The following TCF12 variants were observed in gnomAD, a reference collection of about 807,000 sequenced individuals.
The protein encoded by TCF12 is DNA-binding protein HTF4.
Under a neutral mutation model 86.0 loss-of-function variants are expected in TCF12, and 45 were observed. The ratio of observed to expected loss-of-function variants is 0.52; its 90% CI spans 0.41 to 0.67. The LOEUF (loss-of-function observed/expected upper bound fraction) is 0.67. Among genes scored for constraint, TCF12 ranks in the 30% least tolerant of loss-of-function variants. TCF12 has a pLI of 0.00. For missense variants in TCF12, 881 were observed against 859.9 expected (o/e 1.02, Z -0.31); for synonymous variants, 330 against 299.6 (o/e 1.10, Z -1.05).
chr15:57,122,833 CAT>C (rs1567466930), intron 5 of TCF12, among the ~76,000 whole-genome samples: 1 of 152,164 alleles, frequency 6.6e-6, no homozygotes, highest in East Asian at 1.9e-4. Flanking sequence ...GAGTGAGGCT[CAT>C]AAATTAGGAT....
intron 3 of TCF12, among the ~76,000 whole-genome samples, chr15:56,930,284 T>G (rs1358074796): frequency 6.6e-6 from 1 of 152,232 alleles, no homozygotes; most frequent in Non-Finnish European, 1.5e-5. Flanking sequence ...TTTGTACCTT[T>G]GGAGTGTAAA....
At chr15:57,049,259 T>C (rs1236901487) in intron 3 of TCF12, among the ~76,000 whole-genome samples, 1 of 152,208 alleles carries the variant, frequency 6.6e-6, no homozygotes, top group South Asian at 2.1e-4. Context: ...TTCCTTCAAC[T>C]CATAGGTTGA....
chr15:57,231,624 G>T (rs1308098409), intron 9 of TCF12, among the ~76,000 whole-genome samples: 2 of 152,126 alleles, frequency 1.3e-5, no homozygotes, highest in Non-Finnish European at 2.9e-5. Flanking sequence ...TATAAAGAAA[G>T]AGTGAATATC....
chr15:56,965,492 A>G (rs1474160625), intron 3 of TCF12, among the ~76,000 whole-genome samples: 3 of 152,212 alleles, frequency 2.0e-5, no homozygotes, highest in Non-Finnish European at 2.9e-5. Context: ...ATGAAGAGGA[A>G]GGTGAAACTA....
intron 8 of TCF12, among the ~76,000 whole-genome samples, chr15:57,216,205 A>G (rs1372653370): frequency 3.3e-5 from 5 of 152,140 alleles, no homozygotes; most frequent in African/African-American, 1.2e-4. Context: ...AGGAATCATC[A>G]GTTTGCTAAT....
At chr15:56,965,185 C>T (rs2061948694) in intron 3 of TCF12, among the ~76,000 whole-genome samples, 3 of 152,232 alleles carry the variant, frequency 2.0e-5, no homozygotes, top group South Asian at 4.1e-4. Context: ...ATGTTATATT[C>T]AGTTTCCTCA....
At chr15:57,026,549 G>T (rs1327522276) in intron 3 of TCF12, among the ~76,000 whole-genome samples, 1 of 152,072 alleles carries the variant, frequency 6.6e-6, no homozygotes, top group African/African-American at 2.4e-5. Flanking sequence ...TGATTTAGTC[G>T]TTAATATTTA....
chr15:56,919,874 C>T lies in TCF12; in HGVS notation c.-22-18C>T, dbSNP rs1479379652. On this transcript the variant is annotated intron_variant, in intron 1 of 20. Transcript: ENST00000333725. The stretch of plus-strand genomic sequence containing the variant: ...GGGCCTCGGTGGTCTCTCGCTGAGC[C>T]CGTTTCCTCTGCCCTAGGACCTGCT... 24 of 1,610,840 alleles carry T rather than the reference C, an allele frequency of 1.5e-5. No individual in the cohort carries two copies. The highest frequency in any genetic ancestry group is 8.9e-5 in the East Asian group (4 of 44,810).
chr15:57,003,546 C>CA (rs1290786401), intron 3 of TCF12, among the ~76,000 whole-genome samples: 1 of 152,108 alleles, frequency 6.6e-6, no homozygotes, highest in Non-Finnish European at 1.5e-5. Context: ...AACAAAAACA[C>CA]AACAATGCAA....
intron 5 of TCF12, among the ~76,000 whole-genome samples, chr15:57,144,785 A>G (rs530107807): frequency 6.6e-6 from 1 of 152,164 alleles, no homozygotes; most frequent in South Asian, 2.1e-4. Flanking sequence ...ATTTTTTTGT[A>G]GAGATAGGGT....
intron 18 of TCF12, among the ~76,000 whole-genome samples, chr15:57,269,360 CTTTTTTTTTTTTT>C (rs56700978): frequency 1.9e-4 from 6 of 32,000 alleles, no homozygotes; most frequent in South Asian, 1.8e-3. Context: ...ACAACCCCTG[CTTTTTTTTTTTTT>C]TTTTTTTTTT....
intron 4 of TCF12, among the ~76,000 whole-genome samples, chr15:57,078,718 C>T (rs558431092): frequency 6.6e-6 from 1 of 152,154 alleles, no homozygotes; most frequent in Admixed American, 6.5e-5. Flanking sequence ...GGCTAAAAAT[C>T]GAGAGCAGGT....
intron 5 of TCF12, among the ~76,000 whole-genome samples, chr15:57,101,423 C>T (rs1185317859): frequency 6.6e-6 from 1 of 152,130 alleles, no homozygotes; most frequent in Non-Finnish European, 1.5e-5. Flanking sequence ...GCTGCCCAGG[C>T]TGGTCCGAAC....
intron 3 of TCF12, among the ~76,000 whole-genome samples, chr15:57,047,773 C>T (rs2067329905): frequency 1.3e-5 from 2 of 152,114 alleles, no homozygotes; most frequent in South Asian, 2.1e-4. Flanking sequence ...CACTTAATAA[C>T]GGCCATATGT....
chr15:56,946,342 A>G (rs940133104), intron 3 of TCF12, among the ~76,000 whole-genome samples: 5 of 152,168 alleles, frequency 3.3e-5, no homozygotes. Flanking sequence ...TCTTCAGGCT[A>G]CCGATCTTTT....
intron 4 of TCF12, among the ~76,000 whole-genome samples, chr15:57,081,101 G>A (rs2070608575): frequency 6.6e-6 from 1 of 152,200 alleles, no homozygotes; most frequent in South Asian, 2.1e-4. Context: ...TGTCTCCACT[G>A]TTGTGAGCAC....
intron 5 of TCF12, among the ~76,000 whole-genome samples, chr15:57,161,635 C>T (rs888655441): frequency 3.3e-5 from 5 of 152,132 alleles, no homozygotes; most frequent in African/African-American, 1.2e-4. Context: ...AATCCCAGGA[C>T]AGAAGGAAAA....
At chr15:57,069,539 G>T (rs930690662) in intron 4 of TCF12, among the ~76,000 whole-genome samples, 3 of 152,156 alleles carry the variant, frequency 2.0e-5, no homozygotes, top group African/African-American at 7.2e-5. Context: ...ACTGAAAGAT[G>T]CATTGGTTAT....
intron 13 of TCF12, chr15:57,247,599 T>C (rs1191898583): frequency 1.2e-6 from 1 of 830,728 alleles, no homozygotes; most frequent in African/African-American, 1.7e-5. Context: ...GTTTCAATCT[T>C]GCCATACTTT....
Sources: gnomAD v4.1 joint callset for allele counts (sites outside exome capture counted in the v4.1 genomes callset) on GRCh38, gnomAD v4.1.1 for gene constraint, MANE v1.5 for transcripts, NCBI Gene and HGNC (gene_info 2026-07-23, HGNC 2026-07-21) for gene names.